DRD2: variants seen among roughly 807,000 people sequenced by gnomAD.
DRD2 encodes the protein D(2) dopamine receptor.
A neutral mutation model predicts 38.0 loss-of-function variants in DRD2; 8 were observed. The observed-to-expected ratio is 0.21, with a 90% CI of 0.12 to 0.38. The LOEUF is 0.38. DRD2 is among the 10% of genes least tolerant of loss of function. The pLI, the probability that DRD2 is intolerant of heterozygous loss-of-function variation, is 1.00. For missense variants in DRD2, 403 were observed against 607.7 expected, an observed-to-expected ratio of 0.66 and a Z score of 3.54; for synonymous variants, 230 against 238.6, an observed-to-expected ratio of 0.96 and a Z score of 0.33.
At chr11:113,417,926 A>T in intron 3 of DRD2, 101 bp downstream of exon 3, 1 of 919,250 alleles carries the variant, frequency 1.1e-6, no homozygotes, top group South Asian at 1.4e-5. Context: ...AGCCAGCTGC[A>T]CAGCATCACA....
At chr11:113,441,683 C>T (rs531835148) in intron 1 of DRD2, among the ~76,000 whole-genome samples, 2 of 152,266 alleles carry the variant, frequency 1.3e-5, no homozygotes, top group Admixed American at 1.3e-4. Flanking sequence ...TGTCTCCACA[C>T]TCCAAGGATG....
intron 1 of DRD2, among the ~76,000 whole-genome samples, chr11:113,438,176 A>G (rs938352860): frequency 6.6e-6 from 1 of 151,922 alleles, no homozygotes; most frequent in African/African-American, 2.4e-5. Context: ...AGGTGTGTCA[A>G]TGCGTCCTAT....
chr11:113,445,656 G>A (rs1388219447), intron 1 of DRD2, among the ~76,000 whole-genome samples: 2 of 152,226 alleles, frequency 1.3e-5, no homozygotes, highest in Non-Finnish European at 2.9e-5. Context: ...AGGGGCAGGA[G>A]GCAGAGAAGC....
intron 1 of DRD2, among the ~76,000 whole-genome samples, chr11:113,448,269 G>A (rs1324213286): frequency 3.3e-5 from 5 of 152,168 alleles, no homozygotes; most frequent in Non-Finnish European, 5.9e-5. Flanking sequence ...CAGAGCAATG[G>A]GTAAGGGGGT....
intron 1 of DRD2, among the ~76,000 whole-genome samples, chr11:113,471,997 C>G (rs1951431909): frequency 6.6e-6 from 1 of 152,188 alleles, no homozygotes; most frequent in Non-Finnish European, 1.5e-5. Flanking sequence ...TATAAAACCT[C>G]AACTTGATTC....
At chr11:113,462,283 G>A (rs997665542) in intron 1 of DRD2, among the ~76,000 whole-genome samples, 5 of 152,066 alleles carry the variant, frequency 3.3e-5, no homozygotes, top group African/African-American at 7.2e-5. Flanking sequence ...GTTCCCCTCC[G>A]ACCCCCAAGC....
rs202172997 is a variant in DRD2 at position 113,424,421 on chromosome 11, T to C, written c.231A>G (p.Ala77=). 1.4e-5 allele frequency: 23 copies of C among 1,614,192 alleles called. No individual in the cohort carries two copies. In the East Asian group the frequency reaches 4.9e-4, roughly 34 times the overall value. ...GTGTGGCGACGAGGAGGTCGGCCAC[T>C]GCGAGGCTGACGATCAGGTAGTTGG... ...TTTNYLIVSL[A]VADLLVATLV... is the part of the protein sequence containing the mutation. The change falls in exon 2 of 8, where the codon GCA becomes GCG. Residue 77 remains alanine (A), a synonymous_variant. Transcript: ENST00000362072.
At chr11:113,423,049 C>T (rs1048240765) in intron 2 of DRD2, among the ~76,000 whole-genome samples, 16 of 152,104 alleles carry the variant, frequency 1.1e-4, no homozygotes, top group African/African-American at 3.6e-4. Context: ...TTGCTTGAGT[C>T]CTGGACATGC....
intron 1 of DRD2, among the ~76,000 whole-genome samples, chr11:113,443,742 C>T (rs768281493): frequency 6.6e-6 from 1 of 151,918 alleles, no homozygotes; most frequent in Non-Finnish European, 1.5e-5. Context: ...GATGCCAAGT[C>T]AAAATATTGA....
intron 1 of DRD2, among the ~76,000 whole-genome samples, chr11:113,465,258 A>G (rs1256764972): frequency 6.6e-6 from 1 of 152,026 alleles, no homozygotes; most frequent in Non-Finnish European, 1.5e-5. Flanking sequence ...GAGCCACCAC[A>G]TCCGGCTAAG....
chr11:113,452,827 T>C (rs915424499), intron 1 of DRD2, among the ~76,000 whole-genome samples: 4 of 151,836 alleles, frequency 2.6e-5, no homozygotes, highest in Admixed American at 2.0e-4. Context: ...TTTGTATTTT[T>C]TTTTAGTAGA....
At chr11:113,446,284 T>C in intron 1 of DRD2, among the ~76,000 whole-genome samples, 1 of 152,174 alleles carries the variant, frequency 6.6e-6, no homozygotes, top group Non-Finnish European at 1.5e-5. Context: ...GAGTCACGTC[T>C]GCTGAAAAGA....
At chr11:113,419,306 C>A (rs1950858657) in intron 2 of DRD2, among the ~76,000 whole-genome samples, 1 of 152,218 alleles carries the variant, frequency 6.6e-6, no homozygotes, top group Non-Finnish European at 1.5e-5. Context: ...GAAGGCAGAT[C>A]TGGGCTAGTG....
Position 113,424,596 on chromosome 11 carries a change from C to A in DRD2, c.56G>T (p.Ser19Ile). ...CCCGTCTGACCCGTTGAAGGGCCGG[C>A]TCCAGTTCTGCCTCTCCAGATCATC... ...YDDDLERQNW[S>I]RPFNGSDGKA... The change falls in exon 2 of 8, where the codon AGC becomes ATC. Residue 19 changes from serine to isoleucine, a missense_variant. Around this residue, in one of 4 missense-constraint regions of DRD2, gnomAD observed 162 missense variants for 254.5 expected, o/e 0.64. Coordinates refer to ENST00000362072, the MANE Select transcript of DRD2 (RefSeq NM_000795.4). 1 of 1,614,186 alleles carries A rather than the reference C, an allele frequency of 6.2e-7. No homozygotes were observed. The highest frequency in any genetic ancestry group is 1.1e-5 in the South Asian group (1 of 91,080).
At chr11:113,446,714 ATC>A (rs1486541132) in intron 1 of DRD2, among the ~76,000 whole-genome samples, 2 of 152,206 alleles carry the variant, frequency 1.3e-5, no homozygotes, top group African/African-American at 4.8e-5. Context: ...TGTAAATTCA[ATC>A]CCATGTCCCC....
intron 1 of DRD2, among the ~76,000 whole-genome samples, chr11:113,449,761 G>T (rs1951192446): frequency 1.3e-5 from 2 of 152,164 alleles, no homozygotes; most frequent in African/African-American, 2.4e-5. Flanking sequence ...CTAGCAAGTG[G>T]ATATACTCAG....
chr11:113,432,461 G>T (rs1204481301), intron 1 of DRD2, among the ~76,000 whole-genome samples: 2 of 152,108 alleles, frequency 1.3e-5, no homozygotes, highest in Non-Finnish European at 2.9e-5. Flanking sequence ...TTAAGTCTTG[G>T]TGCTGCCTTC....
At chr11:113,427,045 T>TC (rs1428661506) in intron 1 of DRD2, among the ~76,000 whole-genome samples, 2 of 152,100 alleles carry the variant, frequency 1.3e-5, no homozygotes, top group African/African-American at 4.8e-5. Flanking sequence ...TCTCTTCTTC[T>TC]CCCCCCACTC....
At chr11:113,469,633 C>T (rs1951402712) in intron 1 of DRD2, among the ~76,000 whole-genome samples, 1 of 152,062 alleles carries the variant, frequency 6.6e-6, no homozygotes. Context: ...GCCAGGAGTT[C>T]AAGACCAGAC....
Sources: gnomAD v4.1 joint callset for allele counts (sites outside exome capture counted in the v4.1 genomes callset) on GRCh38, gnomAD v4.1.1 for gene constraint, gnomAD v4.1.1 regional missense constraint, MANE v1.5 for transcripts, NCBI Gene and HGNC (gene_info 2026-07-23, HGNC 2026-07-21) for gene names.